PRPF31: variants seen among roughly 807,000 people sequenced by gnomAD.
The protein encoded by PRPF31 is pre-mRNA processing factor 31.
A neutral mutation model predicts 60.4 loss-of-function variants in PRPF31; 12 were observed. The observed-to-expected ratio is 0.20, with a 90% CI of 0.13 to 0.32. The LOEUF is 0.32. Among genes scored for constraint, PRPF31 ranks in the 10% least tolerant of loss-of-function variants. The probability of loss-of-function intolerance (pLI) is 1.00; values close to 1 mark genes in which losing one functional copy is unlikely to be tolerated. For missense variants in PRPF31, 431 were observed against 687.1 expected (o/e 0.63, Z 4.17); for synonymous variants, 287 against 287.9 (o/e 1.00, Z 0.03).
chr19:54,121,769 T>G, intron 3 of PRPF31, 91 bp from the exon 4 acceptor site: 1 of 1,288,772 alleles, frequency 7.8e-7, no homozygotes, highest in Non-Finnish European at 1.1e-6. Flanking sequence ...TCCTGACCCC[T>G]CCCAACTTCA....
intron 1 of PRPF31, among the ~76,000 whole-genome samples, chr19:54,116,774 G>T (rs1026241362): frequency 1.3e-5 from 2 of 152,230 alleles, no homozygotes; most frequent in Non-Finnish European, 1.5e-5. Context: ...CGTGAGAGCT[G>T]AAGGCTGAGG....
intron 5 of PRPF31, chr19:54,123,228 C>T (rs2073836695): frequency 1.3e-5 from 8 of 606,566 alleles, no homozygotes; most frequent in Non-Finnish European, 2.4e-5. Flanking sequence ...TGCCCGGGCT[C>T]CGTTTCCAGG....
In PRPF31 at chr19:54,121,417, G is replaced by A. The variant is rs148962044; in HGVS notation, c.239-443G>A. Reference sequence around the variant, plus strand: ...GTGAGAGGATGGGGCGGGAAGGGCGGGAGGCCAGACTGCAGAGCTGCTGAG... The same window carrying A: ...GTGAGAGGATGGGGCGGGAAGGGCGAGAGGCCAGACTGCAGAGCTGCTGAG... On this transcript the variant is annotated intron_variant, in intron 3 of 13. Coordinates refer to ENST00000321030, the MANE Select transcript of PRPF31 (RefSeq NM_015629.4). Among the ~76,000 whole-genome samples the A allele has an allele frequency of 1.5e-3, 234 of 151,830 alleles. 1 individual carries two copies. Among genetic ancestry groups the A allele is most frequent in the African/African-American group, 5.4e-3 (226 of 41,522 alleles).
rs1359970631 is a variant in PRPF31 at position 54,128,466 on chromosome 19, G to A, written c.1146+89G>A. 148 of 1,350,352 alleles carry A rather than the reference G, an allele frequency of 1.1e-4. 1 individual carries two copies. In the South Asian group the frequency reaches 1.4e-3, roughly 12 times the overall value. 83.6% of individuals were successfully genotyped at this position (1,350,352 alleles called of 1,614,324 possible). A position where few individuals can be genotyped will look rare whatever the true frequency, so the allele number is the denominator to read the frequency against. On this transcript the variant is annotated intron_variant, in intron 11 of 13. Transcript: ENST00000321030. Reference sequence around the variant, plus strand: ...CTGCCACCGCCCCTCCTCTCGTCCTGTGGCCCTGGCTCATGTCTAGGGCGC... The same window carrying A: ...CTGCCACCGCCCCTCCTCTCGTCCTATGGCCCTGGCTCATGTCTAGGGCGC...
At position 54,128,460 on chromosome 19, in the gene PRPF31, C is replaced by G. The variant is rs587743244; in HGVS notation, c.1146+83C>G. The G allele has an allele frequency of 4.4e-6, 6 of 1,366,202 alleles. No individual in the cohort carries two copies. In the African/African-American group the frequency reaches 5.8e-5, roughly 13 times the overall value. 84.6% of individuals were successfully genotyped at this position (1,366,202 alleles called of 1,614,324 possible). A position where few individuals can be genotyped will look rare whatever the true frequency, so the allele number is the denominator to read the frequency against. ...TGCCTCCTGCCACCGCCCCTCCTCT[C>G]GTCCTGTGGCCCTGGCTCATGTCTA... On this transcript the variant is annotated intron_variant, in intron 11 of 13. Coordinates refer to ENST00000321030, the MANE Select transcript of PRPF31 (RefSeq NM_015629.4).
rs1209145493 is a variant in PRPF31, at chr19:54,129,112, A to G, written c.1202A>G (p.Lys401Arg). The change falls in exon 12 of 14, where the codon AAG (lysine) becomes AGG (arginine). Residue 401 changes from lysine (K) to arginine (R), a missense_variant. Transcript: ENST00000321030. ...DLGFSLGHLG[K>R]SGSGRVRQTQ... ...GGATTCAGCCTGGGCCACCTGGGCA[A>G]GTCGGGCAGTGGGCGTGTGCGGCAG... 1 of 1,582,520 alleles carries G rather than the reference A, an allele frequency of 6.3e-7. No individual in the cohort carries two copies. The highest frequency in any genetic ancestry group is 1.9e-5 in the Admixed American group (1 of 53,684).
At position 54,128,038 on chromosome 19, in the gene PRPF31, G is replaced by A. The variant is rs45567347; in HGVS notation, c.946-35G>A. The A allele has an allele frequency of 3.0e-3, 4,647 of 1,548,236 alleles. 15 individuals are homozygous for A. The highest frequency in any genetic ancestry group is 3.6e-3 in the Non-Finnish European group (4,095 of 1,146,742). On this transcript the variant is annotated intron_variant, in intron 9 of 13. Coordinates refer to ENST00000321030, the MANE Select transcript of PRPF31 (RefSeq NM_015629.4). ...GGAGGCCTGGGTGGGCAGCCCACGC[G>A]AGCAGCTGCAGGACCTCCCCCTCGC...
chr19:54,131,412 A>G lies in PRPF31; in HGVS notation c.1480A>G (p.Ser494Gly), dbSNP rs1286625081. 1.7e-5 allele frequency: 27 copies of G among 1,614,000 alleles called. No homozygotes were observed. The highest frequency in any genetic ancestry group is 2.2e-5 in the Non-Finnish European group (26 of 1,180,044). ...GTTCCTCAAGGTCAAGGGCGAGAAG[A>G]GTGGCCTTATGTCCACCTGAATGAC... ...AEFLKVKGEK[S>G]GLMST is the part of the protein sequence containing the mutation. Residue 494 changes from serine to glycine, a missense_variant, in exon 14 of 14, where the codon AGT becomes GGT. Coordinates refer to ENST00000321030, the MANE Select transcript of PRPF31 (RefSeq NM_015629.4).
At chr19:54,117,400 G>T (rs2073674175) in intron 1 of PRPF31, among the ~76,000 whole-genome samples, 1 of 152,174 alleles carries the variant, frequency 6.6e-6, no homozygotes, top group Non-Finnish European at 1.5e-5. Flanking sequence ...TGGGTACAAG[G>T]TATGTGTGTC....
chr19:54,128,003 C>T (rs171703), intron 9 of PRPF31, 70 bp from the exon 10 acceptor site: 243,972 of 1,545,968 alleles, frequency 0.16, 21,499 homozygotes, highest in Admixed American at 0.33. Flanking sequence ...ACTCGGGGGG[C>T]CCGCTCAGAG....
In PRPF31 at chr19:54,118,414, G is replaced by T; in HGVS notation, c.136G>T (p.Asp46Tyr). ...QEETQLDLSG[D>Y]SVKTIAKLWD... ...GGAGACACAGCTGGATCTTTCCGGG[G>T]ATTCAGTCAAGACCATCGCCAAGCT... The change falls in exon 2 of 14, where the codon GAT (aspartate) becomes TAT (tyrosine). Residue 46 changes from aspartate to tyrosine, a missense_variant. This residue lies in a region of PRPF31 where 113 missense variants were observed against 173.8 expected (regional missense o/e 0.65). Coordinates refer to ENST00000321030, the MANE Select transcript of PRPF31 (RefSeq NM_015629.4). 6.2e-7 allele frequency: 1 copy of T among 1,614,088 alleles called. No individual in the cohort carries two copies. The highest frequency in any genetic ancestry group is 8.5e-7 in the Non-Finnish European group (1 of 1,180,028).
chr19:54,130,388 G>C (rs903752395), intron 13 of PRPF31, among the ~76,000 whole-genome samples: 1 of 152,222 alleles, frequency 6.6e-6, no homozygotes, highest in Non-Finnish European at 1.5e-5. Flanking sequence ...CACTTTGGGA[G>C]GCCGAGGCAG....
intron 9 of PRPF31, 109 bp downstream of exon 9, chr19:54,126,726 C>A: frequency 8.8e-7 from 1 of 1,134,250 alleles, no homozygotes; most frequent in Non-Finnish European, 1.3e-6. Context: ...ACTGTCCTAC[C>A]AAGGCGGAGG....
At chr19:54,128,934 G>A in intron 11 of PRPF31, 123 bp from the exon 12 acceptor site, 2 of 1,003,400 alleles carry the variant, frequency 2.0e-6, no homozygotes, top group South Asian at 1.4e-5. Context: ...GGGTACCGGA[G>A]CAGGTGCCCG....
Position 54,121,534 on chromosome 19 carries a change from C to T in PRPF31, c.239-326C>T, listed in dbSNP as rs587614270. Among the ~76,000 whole-genome samples the T allele has an allele frequency of 1.1e-4, 16 of 152,218 alleles. No individual in the cohort carries two copies. The East Asian group carries it at 3.1e-3, about 29-fold the overall frequency. On this transcript the variant is annotated intron_variant, in intron 3 of 13. Transcript: ENST00000321030. ...CAGCCAACGCAGGCACAGCACTGGT[C>T]CCTGCAGAGCTTCCGGAGTTGGGGA...
At chr19:54,124,163 G>C (rs587682798) in intron 7 of PRPF31, 9 of 786,640 alleles carry the variant, frequency 1.1e-5, no homozygotes. Flanking sequence ...CCCAGGCCCT[G>C]TTGTCAGGGA....
At chr19:54,118,141 G>A (rs1266676794) in intron 1 of PRPF31, 130 bp from the exon 2 acceptor site, 2 of 1,305,814 alleles carry the variant, frequency 1.5e-6, no homozygotes, top group Non-Finnish European at 2.2e-6. Flanking sequence ...AGCACCTGTT[G>A]TCGTGGAGCC....
intron 5 of PRPF31, 21 bp from the exon 6 acceptor site, chr19:54,123,433 A>G (rs763619297): frequency 2.3e-5 from 37 of 1,601,330 alleles, no homozygotes; most frequent in Middle Eastern, 1.7e-4. Context: ...AGCCTCCCCT[A>G]TCTTCTCTGC....
At chr19:54,121,457 C>T (rs370729559) in intron 3 of PRPF31, among the ~76,000 whole-genome samples, 9 of 152,138 alleles carry the variant, frequency 5.9e-5, no homozygotes, top group South Asian at 4.1e-4. Flanking sequence ...CAAACAGGAA[C>T]GGGGGAACTC....
Sources: allele counts gnomAD v4.1 joint callset (sites outside exome capture counted in the v4.1 genomes callset), GRCh38; gene constraint gnomAD v4.1.1; regional missense constraint gnomAD v4.1.1; transcripts MANE v1.5; gene names NCBI Gene and HGNC (gene_info 2026-07-23, HGNC 2026-07-21).